Variants in NFIB observed in about 807,000 individuals in gnomAD.
NFIB encodes nuclear factor I B.
In NFIB, 11 loss-of-function variants were observed where a neutral mutation model predicts 61.5. The observed-to-expected ratio is 0.18, with a 90% CI of 0.11 to 0.30. The LOEUF is 0.30. Among genes scored for constraint, NFIB ranks in the 10% least tolerant of loss-of-function variants. NFIB has a pLI of 1.00. For missense variants in NFIB, 471 were observed against 608.9 expected, an observed-to-expected ratio of 0.77 and a Z score of 2.38; for synonymous variants, 260 against 216.5, an observed-to-expected ratio of 1.20 and a Z score of -1.76.
At chr9:14,289,122 G>GTATATATATATA (rs60051220) in intron 2 of NFIB, among the ~76,000 whole-genome samples, 1 of 139,908 alleles carries the variant, frequency 7.1e-6, no homozygotes, top group African/African-American at 2.6e-5. Flanking sequence ...GTGTGTATAT[G>GTATATATATATA]TATATATATA....
the NFIB span, among the ~76,000 whole-genome samples, chr9:14,504,639 T>C: frequency 4.6e-5 from 7 of 152,236 alleles, no homozygotes; most frequent in Non-Finnish European, 8.8e-5. Flanking sequence ...GCTTGCTCAC[T>C]GTTGGTGTAT....
At chr9:14,186,563 G>A (rs973709506) in intron 2 of NFIB, among the ~76,000 whole-genome samples, 20 of 152,142 alleles carry the variant, frequency 1.3e-4, no homozygotes, top group African/African-American at 4.8e-4. Flanking sequence ...GAAATAAAAA[G>A]GTAAAACAAA....
chr9:14,430,633 G>C, the NFIB span, among the ~76,000 whole-genome samples: 1 of 152,120 alleles, frequency 6.6e-6, no homozygotes, highest in Non-Finnish European at 1.5e-5. Flanking sequence ...CCAGGCTGGA[G>C]TGCAGTGGCA....
intron 2 of NFIB, among the ~76,000 whole-genome samples, chr9:14,241,597 G>T (rs939798240): frequency 5.3e-5 from 8 of 151,858 alleles, no homozygotes; most frequent in Non-Finnish European, 1.2e-4. Context: ...ATATCTCATA[G>T]TTGTTCCCTC....
At chr9:14,442,892 C>A in the NFIB span, among the ~76,000 whole-genome samples, 4 of 151,858 alleles carry the variant, frequency 2.6e-5, no homozygotes, top group Non-Finnish European at 5.9e-5. Context: ...ACATGTTTTT[C>A]TATCAGGTAT....
chr9:14,312,469 G>C (rs574807094), intron 1 of NFIB, among the ~76,000 whole-genome samples: 1 of 152,194 alleles, frequency 6.6e-6, no homozygotes, highest in African/African-American at 2.4e-5. Flanking sequence ...CATACCTTTA[G>C]AGGTTTAAAA....
At chr9:14,256,709 G>A (rs1409700990) in intron 2 of NFIB, among the ~76,000 whole-genome samples, 1 of 152,166 alleles carries the variant, frequency 6.6e-6, no homozygotes, top group Non-Finnish European at 1.5e-5. Context: ...TCATAAAACT[G>A]GACCCAAAGT....
At chr9:14,405,527 C>G in the NFIB span, among the ~76,000 whole-genome samples, 2 of 152,274 alleles carry the variant, frequency 1.3e-5, no homozygotes, top group East Asian at 3.9e-4. Context: ...CTGCCTCTTG[C>G]TATAACTCAA....
At chr9:14,217,590 G>T (rs778572469) in intron 2 of NFIB, among the ~76,000 whole-genome samples, 1 of 148,694 alleles carries the variant, frequency 6.7e-6, no homozygotes. Flanking sequence ...AACCCAGGAA[G>T]TGGAGGTTGC....
the NFIB span, among the ~76,000 whole-genome samples, chr9:14,434,713 G>A: frequency 6.6e-6 from 1 of 152,214 alleles, no homozygotes; most frequent in Non-Finnish European, 1.5e-5. Context: ...TGCTAGATAA[G>A]TTTCAAGAGG....
At chr9:14,244,520 T>C (rs556637945) in intron 2 of NFIB, among the ~76,000 whole-genome samples, 23 of 152,250 alleles carry the variant, frequency 1.5e-4, no homozygotes, top group African/African-American at 4.3e-4. Flanking sequence ...ATAGTAAGCT[T>C]TACCGATAAC....
chr9:14,193,670 G>C (rs570055229), intron 2 of NFIB, among the ~76,000 whole-genome samples: 69 of 152,168 alleles, frequency 4.5e-4, no homozygotes, highest in South Asian at 1.2e-3. Context: ...CTACGAACAG[G>C]AGAAAACAAA....
chr9:14,316,717 C>T (rs1464670987), upstream of NFIB, among the ~76,000 whole-genome samples: 1 of 152,054 alleles, frequency 6.6e-6, no homozygotes, highest in African/African-American at 2.4e-5. Context: ...AGCACGAAAG[C>T]ATCACTTTGT....
At chr9:14,531,373 A>G in the NFIB span, among the ~76,000 whole-genome samples, 5 of 152,210 alleles carry the variant, frequency 3.3e-5, no homozygotes, top group African/African-American at 1.2e-4. Flanking sequence ...TCATTAACTA[A>G]ATTTAATTAC....
the NFIB span, among the ~76,000 whole-genome samples, chr9:14,453,205 G>C: frequency 6.6e-6 from 1 of 152,172 alleles, no homozygotes; most frequent in Non-Finnish European, 1.5e-5. Context: ...ATGACTCCCA[G>C]CAAAGGATAA....
intron 2 of NFIB, among the ~76,000 whole-genome samples, chr9:14,259,735 T>G (rs918349302): frequency 6.6e-6 from 1 of 151,578 alleles, no homozygotes; most frequent in Non-Finnish European, 1.5e-5. Flanking sequence ...ATCCTGTCTC[T>G]ACTAAAAATA....
At chr9:14,270,617 C>G (rs977994129) in intron 2 of NFIB, among the ~76,000 whole-genome samples, 1 of 119,096 alleles carries the variant, frequency 8.4e-6, no homozygotes, top group Non-Finnish European at 1.7e-5. Flanking sequence ...AGGCAGAGGA[C>G]AGAAACAACA....
At chr9:14,134,397 G>C (rs2040758847) in intron 6 of NFIB, among the ~76,000 whole-genome samples, 1 of 152,106 alleles carries the variant, frequency 6.6e-6, no homozygotes, top group Admixed American at 6.6e-5. Context: ...CTTCATGCCA[G>C]GCAGTATGCT....
At chr9:14,248,771 C>T (rs961070004) in intron 2 of NFIB, among the ~76,000 whole-genome samples, 3 of 152,154 alleles carry the variant, frequency 2.0e-5, no homozygotes, top group Non-Finnish European at 4.4e-5. Flanking sequence ...AGATCCAGCC[C>T]AGGAACGTCT....
Sources: gnomAD v4.1 joint callset for allele counts (sites outside exome capture counted in the v4.1 genomes callset) on GRCh38, gnomAD v4.1.1 for gene constraint, MANE v1.5 for transcripts, NCBI Gene and HGNC (gene_info 2026-07-23, HGNC 2026-07-21) for gene names.